The following NEB variants were observed in gnomAD, a reference collection of about 807,000 sequenced individuals.
NEB encodes the protein nemaline myopathy type 2.
In NEB, 512 loss-of-function variants were observed where a neutral mutation model predicts 952.2. The observed-to-expected ratio is 0.54, with a 90% CI of 0.50 to 0.58. The LOEUF is 0.58. NEB is among the 20% of genes least tolerant of loss of function. NEB has a pLI of 0.00. For synonymous variants in NEB, 2,900 were observed against 3,149.8 expected, an observed-to-expected ratio of 0.92 and a Z score of 2.66; for missense variants, 8,428 against 9,231.1, an observed-to-expected ratio of 0.91 and a Z score of 3.56.
intron 37 of NEB, 80 bp from the exon 38 acceptor site, chr2:151,671,309 A>C (rs2099285685): frequency 8.4e-7 from 1 of 1,184,258 alleles, no homozygotes; most frequent in Non-Finnish European, 1.2e-6. Context: ...ATTCTATCCA[A>C]GGGAAATGAA....
Position 151,533,448 on chromosome 2 carries a change from C to A in NEB, c.21411G>T (p.Trp7137Cys). 1 of 1,548,964 alleles carries A rather than the reference C, an allele frequency of 6.5e-7. No individual in the cohort carries two copies. Among genetic ancestry groups the A allele is most frequent in the Admixed American group, 2.0e-5 (1 of 51,006 alleles). Residue 7137 changes from tryptophan to cysteine, a missense_variant, in exon 143 of 182, where the codon TGG becomes TGT. Around this residue, in one of 11 missense-constraint regions of NEB, gnomAD observed 3,374 missense variants for 3,651.5 expected, o/e 0.92. Transcript: ENST00000397345. ...ACATCCCATCAGACATTACCTGGCTCCACATATGCGAATTGTAGAGAGCAG... is the reference window on the plus strand; with the variant it reads ...ACATCCCATCAGACATTACCTGGCTACACATATGCGAATTGTAGAGAGCAG... ...MLTALYNSHM[W>C]SQIKYRKNYE... is the part of the protein sequence containing the mutation.
chr2:151,514,883 G>A lies in NEB; in HGVS notation c.22951C>T (p.Leu7651=), dbSNP rs774527373. ...DYEESIKGRN[L]TGLEVTPALL... is the part of the protein sequence containing the mutation. The stretch of plus-strand genomic sequence containing the variant: ...GCTGGCGTGACCTCCAGGCCAGTCA[G>A]GTTTCTGCCTTTAATGGACTCTTCA... Residue 7651 remains leucine (L), a synonymous_variant, in exon 158 of 182, where the codon CTG becomes TTG. Transcript: ENST00000397345. The A allele has an allele frequency of 2.5e-6, 4 of 1,588,154 alleles. No homozygotes were observed. Among genetic ancestry groups the A allele is most frequent in the Admixed American group, 3.5e-5 (2 of 56,424 alleles).
rs2095929517 is a variant in NEB at position 151,560,059 on chromosome 2, C to G, written c.19314+533G>C. ...TGTATGATCTTCTACTATATTTAAA[C>G]AGCTCATGAGATTTAGGGTTTGTTT... On this transcript the variant is annotated intron_variant, in intron 124 of 181. Coordinates refer to ENST00000397345, the MANE Select transcript of NEB (RefSeq NM_001164508.2). Among the ~76,000 whole-genome samples, 3 of 152,260 alleles carry G rather than the reference C, an allele frequency of 2.0e-5. No homozygotes were observed. In the South Asian group the frequency reaches 6.2e-4, roughly 32 times the overall value.
intron 41 of NEB, 101 bp from the exon 42 acceptor site, chr2:151,665,640 GA>G: frequency 9.7e-7 from 1 of 1,026,554 alleles, no homozygotes; most frequent in South Asian, 2.0e-5. Flanking sequence ...GAGAAGCTGG[GA>G]GGGGGAGAAT....
Position 151,568,086 on chromosome 2 carries a change from AT to A in NEB, c.17828del (p.Asn5943MetfsTer7), listed in dbSNP as rs1560031341. On this transcript the variant is annotated frameshift_variant, in exon 113 of 182. Transcript: ENST00000397345. LOFTEE classifies it high-confidence loss of function. ...GATGTATTACCTCACTCTGAACGTC[AT>A]TGCAGTGATGGGCATGAACAAATGG... Reference protein sequence around the residue: ...AVPFVHAHHCNDVQSELKYKA... With the variant: ...AVPFVHAHHCXDVQSELKYKA... 6.2e-7 allele frequency: 1 copy of A among 1,613,456 alleles called. No homozygotes were observed. The highest frequency in any genetic ancestry group is 1.7e-5 in the Admixed American group (1 of 59,978).
Position 151,501,576 on chromosome 2 carries a change from ATTG to A in NEB, c.23929-96_23929-94del, listed in dbSNP as rs749127568. 1.8e-4 allele frequency: 113 copies of A among 620,196 alleles called. No homozygotes were observed. The Middle Eastern group carries it at 2.5e-3, about 14-fold the overall frequency. The allele number at this position is 620,196 out of a possible 1,614,324, so 38.4% of individuals were successfully genotyped here. A position where few individuals can be genotyped will look rare whatever the true frequency, so the allele number is the denominator to read the frequency against. ...AAAACAGCCTAAAAGAAGTATTTTT[ATTG>A]TTGTTTTTATGATGAAGTACCTCAG... On this transcript the variant is annotated intron_variant, in intron 167 of 181. Transcript: ENST00000397345.
intron 134 of NEB, 95 bp from the exon 135 acceptor site, chr2:151,546,093 G>A: frequency 1.1e-6 from 1 of 890,370 alleles, no homozygotes; most frequent in Non-Finnish European, 1.7e-6. Context: ...TGTGTAAGCT[G>A]AGCAGGGCTT....
At chr2:151,642,914 T>A in intron 58 of NEB, 45 bp from the exon 59 acceptor site, 1 of 1,437,654 alleles carries the variant, frequency 7.0e-7, no homozygotes, top group Non-Finnish European at 9.6e-7. Flanking sequence ...CAGTAATAAA[T>A]AGACACATGC....
chr2:151,604,272 T>C (rs1184372600), intron 85 of NEB, among the ~76,000 whole-genome samples: 2 of 116,508 alleles, frequency 1.7e-5, no homozygotes, highest in African/African-American at 4.2e-5. Flanking sequence ...TTATGAAATA[T>C]GTATATGATT....
chr2:151,641,970 C>G (rs185656394), intron 60 of NEB, among the ~76,000 whole-genome samples: 50 of 152,306 alleles, frequency 3.3e-4, no homozygotes, highest in African/African-American at 1.2e-3. Flanking sequence ...TCCCTCCCCC[C>G]ATCCTATGAC....
In NEB at chr2:151,535,615, G is replaced by A. The variant is rs969340450; in HGVS notation, c.21312+76C>T. 3.2e-5 allele frequency: 28 copies of A among 869,018 alleles called. No individual in the cohort carries two copies. The African/African-American group carries it at 4.6e-4, about 14-fold the overall frequency. 53.8% of individuals were successfully genotyped at this position (869,018 alleles called of 1,614,324 possible). On this transcript the variant is annotated intron_variant, in intron 142 of 181. Coordinates refer to ENST00000397345, the MANE Select transcript of NEB (RefSeq NM_001164508.2). ...GCTTTCCTGTCATTCTGTGTATTGG[G>A]CTTTAATTTAAAAAAACTCTGAGAC...
intron 135 of NEB, 44 bp from the exon 136 acceptor site, chr2:151,541,595 C>G (rs1429408887): frequency 6.7e-7 from 1 of 1,488,202 alleles, no homozygotes; most frequent in African/African-American, 1.4e-5. Flanking sequence ...GTTTCATGGG[C>G]ATGTTATGTT....
At chr2:151,499,256 C>G (rs2062627748) in intron 169 of NEB, 42 bp downstream of exon 169, 1 of 1,074,652 alleles carries the variant, frequency 9.3e-7, no homozygotes. Context: ...TCTTTTTAAA[C>G]ATTTTTTTAA....
At chr2:151,562,842 G>A (rs1481299425) in intron 119 of NEB, 34 bp from the exon 120 acceptor site, 23 of 1,439,180 alleles carry the variant, frequency 1.6e-5, no homozygotes, top group Non-Finnish European at 2.1e-5. Context: ...TAAGAAAGGG[G>A]TTTAAATGTA....
chr2:151,568,386 T>C lies in NEB; in HGVS notation c.17666A>G (p.Lys5889Arg), dbSNP rs1366005442. Residue 5889 changes from lysine (K) to arginine (R), a missense_variant, in exon 112 of 182, where the codon AAA becomes AGA. By Grantham distance (26) the Lys-to-Arg change is conservative. Transcript: ENST00000397345. ...IKYRKDWNATKSKYTLTETPL... is the reference protein window; with the variant it reads ...IKYRKDWNATRSKYTLTETPL... ...GGTTTCTGTGAGGGTGTACTTTGAT[T>C]TGGTGGCATTCCAGTCTTTCCGGTA... 4.3e-6 allele frequency: 7 copies of C among 1,612,404 alleles called. No individual in the cohort carries two copies. The South Asian group carries it at 7.7e-5, about 18-fold the overall frequency.
intron 153 of NEB, among the ~76,000 whole-genome samples, chr2:151,522,083 G>A (rs1183114895): frequency 1.3e-5 from 2 of 152,052 alleles, no homozygotes; most frequent in Non-Finnish European, 2.9e-5. Context: ...CAGCCCCCGG[G>A]GTTTATAATC....
At chr2:151,655,037 T>C (rs1254188708) in intron 51 of NEB, among the ~76,000 whole-genome samples, 1 of 152,108 alleles carries the variant, frequency 6.6e-6, no homozygotes, top group Non-Finnish European at 1.5e-5. Context: ...CTGCTTGGTA[T>C]CAAGCACAAT....
chr2:151,494,316 G>A, intron 173 of NEB, 63 bp from the exon 174 acceptor site: 2 of 1,108,230 alleles, frequency 1.8e-6, no homozygotes, highest in South Asian at 2.8e-5. Context: ...ACCAAAAAAG[G>A]AAATGGTACA....
chr2:151,497,633 A>G lies in NEB; in HGVS notation c.24293T>C (p.Ile8098Thr), dbSNP rs372228043. ...CTTTTCTTGCCAAAGTACCGAGCTA[A>G]TATTTTCTTGATTGTGTTTGACTCT... ...MERVKHNQENISSVLYKENMG... is the reference protein window; with the variant it reads ...MERVKHNQENTSSVLYKENMG... Residue 8098 changes from isoleucine to threonine, a missense_variant, in exon 171 of 182, where the codon ATT becomes ACT. By Grantham distance (89) the Ile-to-Thr change is moderately conservative (BLOSUM62 -1). Transcript: ENST00000397345. 3.8e-5 allele frequency: 60 copies of G among 1,574,320 alleles called. No individual in the cohort carries two copies. Among genetic ancestry groups the G allele is most frequent in the Non-Finnish European group, 5.0e-5 (58 of 1,157,382 alleles).
Sources: allele counts gnomAD v4.1 joint callset (sites outside exome capture counted in the v4.1 genomes callset), GRCh38; gene constraint gnomAD v4.1.1; regional missense constraint gnomAD v4.1.1; transcripts MANE v1.5; gene names NCBI Gene and HGNC (gene_info 2026-07-23, HGNC 2026-07-21).